The following RCAN2 variants were observed in gnomAD, a reference collection of about 807,000 sequenced individuals.
The protein encoded by RCAN2 is calcipressin-2.
A neutral mutation model predicts 23.6 loss-of-function variants in RCAN2; 9 were observed. The ratio of observed to expected loss-of-function variants is 0.38; its 90% CI spans 0.23 to 0.67. The LOEUF is 0.67. RCAN2 is among the 30% of genes least tolerant of loss of function. The probability of loss-of-function intolerance (pLI) is 0.51; values close to 1 mark genes in which losing one functional copy is unlikely to be tolerated. For missense variants in RCAN2, 273 were observed against 302.3 expected (o/e 0.90, Z 0.72); for synonymous variants, 109 against 115.7 (o/e 0.94, Z 0.37).
intron 2 of RCAN2, chr6:46,438,676 C>T (rs186663561): frequency 1.2e-4 from 19 of 152,340 alleles, no homozygotes; most frequent in Non-Finnish European, 2.5e-4. Context: ...AGAGCCTTCA[C>T]TCTTCCCTCT....
chr6:46,453,258 A>G (rs184371211), intron 2 of RCAN2, among the ~76,000 whole-genome samples: 6 of 152,336 alleles, frequency 3.9e-5, no homozygotes, highest in Admixed American at 3.9e-4. Context: ...TCATACAAAA[A>G]TATTTATACT....
chr6:46,312,637 T>C (rs920273801), intron 2 of RCAN2, among the ~76,000 whole-genome samples: 6 of 152,238 alleles, frequency 3.9e-5, no homozygotes, highest in African/African-American at 1.2e-4. Flanking sequence ...CTTACCCTTG[T>C]TGAATGGCAA....
chr6:46,320,928 A>T (rs1425782597), intron 2 of RCAN2, among the ~76,000 whole-genome samples: 1 of 152,106 alleles, frequency 6.6e-6, no homozygotes, highest in East Asian at 1.9e-4. Flanking sequence ...TGAGACAGTG[A>T]CCGTCTCAAT....
chr6:46,380,724 A>G (rs745673678), intron 2 of RCAN2, among the ~76,000 whole-genome samples: 1 of 152,192 alleles, frequency 6.6e-6, no homozygotes, highest in Non-Finnish European at 1.5e-5. Flanking sequence ...ATAATCTTTT[A>G]TTATTTTGAT....
At chr6:46,290,336 G>A (rs1762517607) in intron 2 of RCAN2, among the ~76,000 whole-genome samples, 1 of 152,148 alleles carries the variant, frequency 6.6e-6, no homozygotes, top group African/African-American at 2.4e-5. Context: ...GCTATATCTT[G>A]TGTATTAAAC....
At chr6:46,315,491 T>C (rs1447552150) in intron 2 of RCAN2, among the ~76,000 whole-genome samples, 2 of 151,614 alleles carry the variant, frequency 1.3e-5, no homozygotes. Flanking sequence ...AGATTCCAGG[T>C]AGAGGGCACA....
At chr6:46,278,910 C>T (rs1005598212) in intron 2 of RCAN2, among the ~76,000 whole-genome samples, 8 of 152,178 alleles carry the variant, frequency 5.3e-5, no homozygotes, top group African/African-American at 1.9e-4. Context: ...TCCTTAACTG[C>T]ACACCTTGAT....
intron 2 of RCAN2, among the ~76,000 whole-genome samples, chr6:46,393,534 C>A (rs941248551): frequency 6.6e-6 from 1 of 152,136 alleles, no homozygotes; most frequent in African/African-American, 2.4e-5. Context: ...CAGTACATAC[C>A]ATTTTCTAAA....
At chr6:46,459,841 A>G (rs1452060615) in intron 1 of RCAN2, among the ~76,000 whole-genome samples, 1 of 152,196 alleles carries the variant, frequency 6.6e-6, no homozygotes, top group Non-Finnish European at 1.5e-5. Flanking sequence ...TGTAATATGC[A>G]GTTTTGCAAT....
At chr6:46,306,797 G>A (rs931325401) in intron 2 of RCAN2, among the ~76,000 whole-genome samples, 1 of 152,046 alleles carries the variant, frequency 6.6e-6, no homozygotes, top group Non-Finnish European at 1.5e-5. Flanking sequence ...GCACCCTACT[G>A]AAAATTCTAA....
chr6:46,248,986 A>C, intron 2 of RCAN2, 90 bp from the exon 3 acceptor site: 1 of 862,206 alleles, frequency 1.2e-6, no homozygotes, highest in Non-Finnish European at 1.7e-6. Context: ...AACTAAATAA[A>C]TAGGCTGTTA....
intron 2 of RCAN2, among the ~76,000 whole-genome samples, chr6:46,420,085 C>T (rs1347360929): frequency 6.6e-6 from 1 of 151,542 alleles, no homozygotes; most frequent in African/African-American, 2.4e-5. Flanking sequence ...TAATATTATC[C>T]CTTCTACAAC....
At chr6:46,316,222 T>C (rs1763433239) in intron 2 of RCAN2, among the ~76,000 whole-genome samples, 1 of 152,244 alleles carries the variant, frequency 6.6e-6, no homozygotes, top group African/African-American at 2.4e-5. Context: ...AGGATGATGA[T>C]GATGGTAATG....
intron 2 of RCAN2, among the ~76,000 whole-genome samples, chr6:46,283,270 AAG>A (rs1762263105): frequency 6.6e-6 from 1 of 152,078 alleles, no homozygotes; most frequent in Non-Finnish European, 1.5e-5. Context: ...GCAACATAGC[AAG>A]ACCCTACCTA....
intron 4 of RCAN2, among the ~76,000 whole-genome samples, chr6:46,231,809 G>A (rs1765901988): frequency 6.6e-6 from 1 of 152,122 alleles, no homozygotes. Context: ...TCTGTATTAG[G>A]CACCTCTTGC....
At chr6:46,423,004 C>T (rs887130722) in intron 2 of RCAN2, among the ~76,000 whole-genome samples, 2 of 152,136 alleles carry the variant, frequency 1.3e-5, no homozygotes, top group Non-Finnish European at 2.9e-5. Context: ...TATCTCAGAC[C>T]ATCCTCCTGT....
chr6:46,401,998 A>G (rs1268652800), intron 2 of RCAN2, among the ~76,000 whole-genome samples: 1 of 152,240 alleles, frequency 6.6e-6, no homozygotes, highest in Non-Finnish European at 1.5e-5. Flanking sequence ...GTCAGCAGGA[A>G]AAACACCATC....
chr6:46,229,168 G>C (rs993190556), intron 4 of RCAN2, among the ~76,000 whole-genome samples: 1 of 152,224 alleles, frequency 6.6e-6, no homozygotes, highest in South Asian at 2.1e-4. Flanking sequence ...TTCCTTTGTG[G>C]GTAACCTGAC....
intron 2 of RCAN2, among the ~76,000 whole-genome samples, chr6:46,291,076 A>G (rs1162231095): frequency 1.3e-5 from 2 of 152,148 alleles, no homozygotes; most frequent in Admixed American, 1.3e-4. Context: ...CAGGAGTTAA[A>G]AGTTTAGAAG....
Sources: gnomAD v4.1 joint callset for allele counts (sites outside exome capture counted in the v4.1 genomes callset) on GRCh38, gnomAD v4.1.1 for gene constraint, MANE v1.5 for transcripts, NCBI Gene and HGNC (gene_info 2026-07-23, HGNC 2026-07-21) for gene names.